Variants in CPNE8 observed in about 807,000 individuals in gnomAD.
CPNE8 encodes the protein copine-8.
A neutral mutation model predicts 81.5 loss-of-function variants in CPNE8; 45 were observed. That is an observed-to-expected ratio of 0.55 (90% CI 0.44 to 0.71). The LOEUF is 0.71. CPNE8 is among the 30% of genes least tolerant of loss of function. The probability of loss-of-function intolerance (pLI) is 0.00; values close to 1 mark genes in which losing one functional copy is unlikely to be tolerated. For missense variants in CPNE8, 594 were observed against 672.1 expected (o/e 0.88, Z 1.28); for synonymous variants, 252 against 226.3 (o/e 1.11, Z -1.02).
At chr12:38,681,236 C>G (rs1939403658) in intron 16 of CPNE8, among the ~76,000 whole-genome samples, 1 of 151,578 alleles carries the variant, frequency 6.6e-6, no homozygotes, top group South Asian at 2.1e-4. Flanking sequence ...ATGATAAGAA[C>G]AGGAATGTAA....
chr12:38,852,580 C>A (rs894241712), intron 3 of CPNE8, among the ~76,000 whole-genome samples: 5 of 151,950 alleles, frequency 3.3e-5, no homozygotes, highest in Admixed American at 6.6e-5. Flanking sequence ...TCAGCCTGGG[C>A]AACAAGAGTG....
rs139575229 is a variant in CPNE8 at position 38,796,812 on chromosome 12, C to T, written c.408-20511G>A. On this transcript the variant is annotated intron_variant, in intron 6 of 19. Transcript: ENST00000331366. ...CCTAGTCAAAGAAAGGGGTGACAGG[C>T]GGCACCTGGAAAATCGGGTCACTCC... 1.0e-2 allele frequency among the ~76,000 whole-genome samples: 1,520 copies of T among 152,132 alleles called. 7 individuals are homozygous for T. Among genetic ancestry groups the T allele is most frequent in the African/African-American group, 0.012 (512 of 41,510 alleles).
At chr12:38,762,886 G>A (rs1941599564) in intron 8 of CPNE8, among the ~76,000 whole-genome samples, 1 of 152,122 alleles carries the variant, frequency 6.6e-6, no homozygotes, top group Admixed American at 6.5e-5. Flanking sequence ...TTTTTGAGAC[G>A]GAGTCTCTGT....
chr12:38,697,348 G>C (rs989483802), intron 14 of CPNE8, among the ~76,000 whole-genome samples: 1 of 152,082 alleles, frequency 6.6e-6, no homozygotes, highest in Non-Finnish European at 1.5e-5. Context: ...GCATGTATTA[G>C]TGCTTTATTT....
chr12:38,902,376 GAAA>G (rs1944495311), intron 1 of CPNE8, among the ~76,000 whole-genome samples: 4 of 80,302 alleles, frequency 5.0e-5, no homozygotes, highest in African/African-American at 2.0e-4. Context: ...AAGAAAGAAA[GAAA>G]GAAAAGAAAG....
chr12:38,901,640 G>T (rs567160531), intron 1 of CPNE8, among the ~76,000 whole-genome samples: 1 of 152,268 alleles, frequency 6.6e-6, no homozygotes, highest in South Asian at 2.1e-4. Context: ...GGTAGAAGAC[G>T]AAGGAGGTCA....
chr12:38,848,860 T>G (rs1370922421), intron 3 of CPNE8, among the ~76,000 whole-genome samples, 198 bp from the exon 4 acceptor site: 1 of 152,172 alleles, frequency 6.6e-6, no homozygotes, highest in African/African-American at 2.4e-5. Context: ...AAAAATCAGC[T>G]TCTCCCCAAA....
upstream of CPNE8, chr12:38,905,674 A>G: frequency 1.7e-5 from 25 of 1,468,154 alleles, 1 homozygote; most frequent in Non-Finnish European, 2.3e-5. Flanking sequence ...GGGATGGGGG[A>G]GGGAAGGGAG....
intron 17 of CPNE8, 30 bp from the exon 18 acceptor site, chr12:38,675,804 AT>A: frequency 7.1e-7 from 1 of 1,398,988 alleles, no homozygotes; most frequent in Non-Finnish European, 1.0e-6. Flanking sequence ...TTAGGTTTCA[AT>A]TAAGAAATTG....
intron 13 of CPNE8, among the ~76,000 whole-genome samples, chr12:38,715,862 T>G (rs543106879): frequency 6.6e-6 from 1 of 152,152 alleles, no homozygotes; most frequent in East Asian, 1.9e-4. Flanking sequence ...TGTTGCTGTT[T>G]GCCAGTGATA....
At chr12:38,835,051 T>C (rs1411261820) in intron 5 of CPNE8, among the ~76,000 whole-genome samples, 1 of 152,030 alleles carries the variant, frequency 6.6e-6, no homozygotes, top group Non-Finnish European at 1.5e-5. Context: ...CATGCCCATC[T>C]AATTTTTGTA....
chr12:38,871,584 G>A (rs1943992439), intron 3 of CPNE8, among the ~76,000 whole-genome samples: 1 of 152,134 alleles, frequency 6.6e-6, no homozygotes, highest in Non-Finnish European at 1.5e-5. Flanking sequence ...CAACAGGGAG[G>A]ACAAAAGAGA....
chr12:38,796,671 C>A (rs1171490196), intron 6 of CPNE8, among the ~76,000 whole-genome samples: 1 of 152,084 alleles, frequency 6.6e-6, no homozygotes, highest in African/African-American at 2.4e-5. Flanking sequence ...GTTCATCTCA[C>A]TAGGGAGTGC....
At chr12:38,874,603 GTA>G (rs540463296) in intron 1 of CPNE8, 92 bp from the exon 2 acceptor site, 108 of 728,548 alleles carry the variant, frequency 1.5e-4, no homozygotes, top group Middle Eastern at 8.2e-4. Context: ...ACATAATTGT[GTA>G]TATATATATA....
chr12:38,853,687 G>A (rs989063483), intron 3 of CPNE8, among the ~76,000 whole-genome samples: 1 of 151,978 alleles, frequency 6.6e-6, no homozygotes, highest in Non-Finnish European at 1.5e-5. Context: ...GTTTTCCTTT[G>A]TTTTATGCTT....
chr12:38,894,832 C>T lies in CPNE8; in HGVS notation c.98+10605G>A, dbSNP rs181962741. ...AGGAGTACATTTAGATAAAAGAGTA[C>T]TCCTTTATAGGAGTACATTTAGATA... On this transcript the variant is annotated intron_variant, in intron 1 of 19. Coordinates refer to ENST00000331366, the MANE Select transcript of CPNE8 (RefSeq NM_153634.3). 9.5e-4 allele frequency among the ~76,000 whole-genome samples: 145 copies of T among 152,102 alleles called. 2 individuals are homozygous for T. Among genetic ancestry groups the T allele is most frequent in the Non-Finnish European group, 5.2e-4 (35 of 67,956 alleles).
intron 11 of CPNE8, among the ~76,000 whole-genome samples, chr12:38,726,836 A>C (rs1391840331): frequency 4.6e-5 from 7 of 152,182 alleles, no homozygotes; most frequent in Non-Finnish European, 7.3e-5. Context: ...TCAGCACATC[A>C]TAATGCACTA....
At chr12:38,794,823 G>A (rs532945951) in intron 6 of CPNE8, among the ~76,000 whole-genome samples, 6 of 152,154 alleles carry the variant, frequency 3.9e-5, no homozygotes, top group Admixed American at 3.3e-4. Flanking sequence ...TTGTTGCTGG[G>A]AGTGTCTGTG....
chr12:38,697,118 A>G (rs1412496512), intron 14 of CPNE8, among the ~76,000 whole-genome samples: 6 of 152,234 alleles, frequency 3.9e-5, no homozygotes, highest in African/African-American at 1.4e-4. Context: ...ATGTGCAATC[A>G]TCACTATAGT....
Sources: gnomAD v4.1 joint callset for allele counts (sites outside exome capture counted in the v4.1 genomes callset) on GRCh38, gnomAD v4.1.1 for gene constraint, MANE v1.5 for transcripts, NCBI Gene and HGNC (gene_info 2026-07-23, HGNC 2026-07-21) for gene names.